CRISPLD2: variants seen among roughly 807,000 people sequenced by gnomAD.
CRISPLD2 encodes the protein cysteine-rich secretory protein LCCL domain-containing 2.
In CRISPLD2, 47 loss-of-function variants were observed where a neutral mutation model predicts 71.1. That is an observed-to-expected ratio of 0.66 (90% confidence interval 0.52 to 0.84). The LOEUF is 0.84. Ranked by LOEUF, CRISPLD2 falls within the 40% of genes least tolerant of loss-of-function variation. CRISPLD2 has a pLI of 0.00. For synonymous variants in CRISPLD2, 317 were observed against 250.1 expected, an observed-to-expected ratio of 1.27 and a Z score of -2.52; for missense variants, 830 against 651.1, an observed-to-expected ratio of 1.27 and a Z score of -2.99.
intron 14 of CRISPLD2, among the ~76,000 whole-genome samples, chr16:84,901,934 C>T (rs1240948269): frequency 6.6e-6 from 1 of 151,592 alleles, no homozygotes; most frequent in Non-Finnish European, 1.5e-5. Context: ...GCTGGGATTA[C>T]AGGCACCTGC....
chr16:84,838,019 G>A (rs1015568128), intron 1 of CRISPLD2, among the ~76,000 whole-genome samples: 2 of 152,202 alleles, frequency 1.3e-5, no homozygotes, highest in East Asian at 1.9e-4. Flanking sequence ...GTTGGTCCAC[G>A]GAGCATCCTT....
At chr16:84,904,259 G>T (rs1335820192) in intron 14 of CRISPLD2, among the ~76,000 whole-genome samples, 1 of 152,146 alleles carries the variant, frequency 6.6e-6, no homozygotes, top group African/African-American at 2.4e-5. Flanking sequence ...CAAGATGGTG[G>T]TGCTGACATC....
chr16:84,874,030 C>T (rs1017188578), intron 11 of CRISPLD2, 67 bp downstream of exon 11: 1 of 1,366,012 alleles, frequency 7.3e-7, no homozygotes, highest in Non-Finnish European at 1.0e-6. Context: ...GGAAATTTCA[C>T]TTCCTTTAGT....
intron 14 of CRISPLD2, among the ~76,000 whole-genome samples, chr16:84,904,151 C>A (rs1814450623): frequency 6.6e-6 from 1 of 152,168 alleles, no homozygotes; most frequent in South Asian, 2.1e-4. Flanking sequence ...CCAGGCGTCC[C>A]TGGTGTTCTA....
chr16:84,827,613 C>G (rs932399840), intron 1 of CRISPLD2, among the ~76,000 whole-genome samples: 10 of 147,564 alleles, frequency 6.8e-5, no homozygotes, highest in African/African-American at 2.0e-4. Flanking sequence ...GTTGCTCAGG[C>G]TGGACTGCAG....
intron 1 of CRISPLD2, among the ~76,000 whole-genome samples, chr16:84,835,208 G>A (rs1408447819): frequency 1.3e-5 from 2 of 151,620 alleles, no homozygotes; most frequent in Non-Finnish European, 2.9e-5. Context: ...CTCCTGCCTC[G>A]GCCTGCCAAG....
intron 6 of CRISPLD2, 64 bp downstream of exon 6, chr16:84,854,893 G>A (rs761426148): frequency 2.1e-5 from 26 of 1,265,244 alleles, no homozygotes; most frequent in East Asian, 1.4e-4. Context: ...ATGCGACAGC[G>A]TTACATGAAA....
chr16:84,828,732 T>C (rs1916415659), intron 1 of CRISPLD2, among the ~76,000 whole-genome samples: 1 of 152,160 alleles, frequency 6.6e-6, no homozygotes, highest in Non-Finnish European at 1.5e-5. Flanking sequence ...CGAATGCACC[T>C]GCTTTTCAGT....
intron 1 of CRISPLD2, among the ~76,000 whole-genome samples, chr16:84,837,652 T>C (rs751814956): frequency 5.9e-5 from 9 of 152,054 alleles, no homozygotes; most frequent in East Asian, 1.9e-4. Flanking sequence ...CTCCTGACCT[T>C]GTGATCCGCC....
intron 14 of CRISPLD2, among the ~76,000 whole-genome samples, chr16:84,892,669 AT>A (rs1000070121): frequency 3.3e-5 from 5 of 152,160 alleles, no homozygotes; most frequent in Admixed American, 6.5e-5. Flanking sequence ...TGATTCTGAT[AT>A]TATTTTGCTA....
chr16:84,903,074 C>T (rs2071769669), intron 14 of CRISPLD2, among the ~76,000 whole-genome samples: 2 of 152,036 alleles, frequency 1.3e-5, no homozygotes, highest in Admixed American at 1.3e-4. Context: ...GGCCTAAAAC[C>T]AGCCCATTTC....
At chr16:84,861,912 A>G (rs1458983917) in intron 6 of CRISPLD2, among the ~76,000 whole-genome samples, 1 of 152,172 alleles carries the variant, frequency 6.6e-6, no homozygotes, top group African/African-American at 2.4e-5. Flanking sequence ...CCTGGGCAAC[A>G]CAGCGAGACC....
In CRISPLD2 at chr16:84,845,901, G is replaced by A; in HGVS notation, c.356G>A (p.Gly119Asp). The A allele has an allele frequency of 6.2e-7, 1 of 1,602,462 alleles. No individual in the cohort carries two copies. Among genetic ancestry groups the A allele is most frequent in the Non-Finnish European group, 8.5e-7 (1 of 1,169,956 alleles). Residue 119 changes from glycine (G) to aspartate (D), a missense_variant, in exon 3 of 15, where the codon GGC (glycine) becomes GAC (aspartate). Coordinates refer to ENST00000262424, the MANE Select transcript of CRISPLD2 (RefSeq NM_031476.4). ...SIGQNLGAHW[G>D]RYRSPGFHVQ... ...GGGCAGAACCTGGGCGCTCACTGGG[G>A]CAGGTAAGAGCCACAAGTTCCTCTC...
At chr16:84,850,510 A>G (rs4783090) in intron 4 of CRISPLD2, 58 bp from the exon 5 acceptor site, 1,032,809 of 1,439,634 alleles carry the variant, frequency 0.72, 372,296 homozygotes, top group East Asian at 0.81. Context: ...AGGCCAAATG[A>G]TATCACCCTT....
chr16:84,826,052 G>A (rs920005675), intron 1 of CRISPLD2, among the ~76,000 whole-genome samples: 1 of 152,320 alleles, frequency 6.6e-6, no homozygotes, highest in Middle Eastern at 3.4e-3. Flanking sequence ...CAGAAGCTGT[G>A]GGGTGGGGCT....
chr16:84,828,933 G>A (rs1224101109), intron 1 of CRISPLD2: 5 of 152,102 alleles, frequency 3.3e-5, no homozygotes, highest in Non-Finnish European at 7.3e-5. Flanking sequence ...TAATTAGCTG[G>A]ACGTGGTGGT....
chr16:84,878,516 T>C (rs2071541026), intron 12 of CRISPLD2, among the ~76,000 whole-genome samples: 1 of 152,234 alleles, frequency 6.6e-6, no homozygotes, highest in African/African-American at 2.4e-5. Context: ...TGTTTGTTTA[T>C]TCTTTCAAAT....
intron 2 of CRISPLD2, among the ~76,000 whole-genome samples, chr16:84,843,037 C>A (rs867600166): frequency 9.2e-5 from 14 of 152,196 alleles, no homozygotes; most frequent in African/African-American, 3.1e-4. Context: ...AGCTTCTTTG[C>A]AGCAGGGAAA....
intron 1 of CRISPLD2, 91 bp from the exon 2 acceptor site, chr16:84,838,331 G>A: frequency 1.3e-6 from 1 of 773,104 alleles, no homozygotes; most frequent in East Asian, 2.5e-5. Context: ...AAAATGGAGA[G>A]AGTCGTGTGT....
Sources: gnomAD v4.1 joint callset for allele counts (sites outside exome capture counted in the v4.1 genomes callset) on GRCh38, gnomAD v4.1.1 for gene constraint, MANE v1.5 for transcripts, NCBI Gene and HGNC (gene_info 2026-07-23, HGNC 2026-07-21) for gene names.